MARCHF4: variants seen among roughly 807,000 people sequenced by gnomAD.
MARCHF4 encodes E3 ubiquitin-protein ligase MARCHF4.
In MARCHF4, 14 loss-of-function variants were observed where a neutral mutation model predicts 43.9. That is an observed-to-expected ratio of 0.32 (90% CI 0.21 to 0.50). The LOEUF is 0.50. Among genes scored for constraint, MARCHF4 ranks in the 20% least tolerant of loss-of-function variants. The probability of loss-of-function intolerance (pLI) is 0.98; values close to 1 mark genes in which losing one functional copy is unlikely to be tolerated. For missense variants in MARCHF4, 468 were observed against 536.7 expected, an observed-to-expected ratio of 0.87 and a Z score of 1.27; for synonymous variants, 226 against 213.3, an observed-to-expected ratio of 1.06 and a Z score of -0.52.
chr2:216,321,221 G>C (rs954064185), intron 1 of MARCHF4, among the ~76,000 whole-genome samples: 10 of 152,126 alleles, frequency 6.6e-5, no homozygotes, highest in African/African-American at 9.6e-5. Context: ...CATTCATTCA[G>C]TCAAACAAAT....
At chr2:216,295,868 CTGGGTGCGG>C in intron 1 of MARCHF4, among the ~76,000 whole-genome samples, 1 of 152,236 alleles carries the variant, frequency 6.6e-6, no homozygotes, top group South Asian at 2.1e-4. Context: ...TACCCCATGA[CTGGGTGCGG>C]TGGCTCACGC....
chr2:216,277,625 G>C (rs757039753), intron 3 of MARCHF4, 47 bp downstream of exon 3: 1 of 1,531,656 alleles, frequency 6.5e-7, no homozygotes, highest in Admixed American at 1.8e-5. Context: ...TCCATCCCAC[G>C]AGCACATGGT....
At position 216,368,313 on chromosome 2, in the gene MARCHF4, G is replaced by T. The variant is rs201569065; in HGVS notation, c.516+1432C>A. ...GCTCTGCCAGAGCCTGGTGCTGGAA[G>T]TAGAGAGAAAGAATGAAGGGAAGGC... On this transcript the variant is annotated intron_variant, in intron 1 of 3. Coordinates refer to ENST00000273067, the MANE Select transcript of MARCHF4 (RefSeq NM_020814.3). Among the ~76,000 whole-genome samples the T allele has an allele frequency of 6.6e-5, 10 of 152,340 alleles. No individual in the cohort carries two copies. In the East Asian group the frequency reaches 1.5e-3, roughly 23 times the overall value.
chr2:216,284,122 A>C (rs920769463), intron 1 of MARCHF4, among the ~76,000 whole-genome samples: 4 of 152,198 alleles, frequency 2.6e-5, no homozygotes, highest in Non-Finnish European at 5.9e-5. Flanking sequence ...ACAGACAGGC[A>C]ACAGAGATAA....
At chr2:216,263,449 G>GAGAGAGAAAGAAAGAGAA (rs1690776280) in intron 3 of MARCHF4, among the ~76,000 whole-genome samples, 1 of 142,140 alleles carries the variant, frequency 7.0e-6, no homozygotes, top group Non-Finnish European at 1.6e-5. Flanking sequence ...GAGAGAGAGA[G>GAGAGAGAAAGAAAGAGAA]AGAGAGAGAG....
intron 3 of MARCHF4, among the ~76,000 whole-genome samples, chr2:216,263,558 GAAAA>G (rs1202388903): frequency 1.3e-5 from 2 of 148,166 alleles, no homozygotes; most frequent in Non-Finnish European, 3.0e-5. Context: ...AGAGAAAGAA[GAAAA>G]AGAAAGAAAG....
chr2:216,347,907 C>T (rs958333144), intron 1 of MARCHF4, among the ~76,000 whole-genome samples: 2 of 151,370 alleles, frequency 1.3e-5, no homozygotes, highest in South Asian at 2.1e-4. Flanking sequence ...TCATACATCC[C>T]TCATTGAGTC....
chr2:216,280,228 C>A (rs1347288778), intron 2 of MARCHF4, among the ~76,000 whole-genome samples: 1 of 151,832 alleles, frequency 6.6e-6, no homozygotes, highest in East Asian at 1.9e-4. Flanking sequence ...GAGAAGGACA[C>A]CCAGGGTACC....
In MARCHF4 at chr2:216,333,368, G is replaced by A. The variant is rs560231534; in HGVS notation, c.516+36377C>T. Among the ~76,000 whole-genome samples the A allele has an allele frequency of 5.9e-5, 9 of 152,336 alleles. No individual in the cohort carries two copies. The South Asian group carries it at 1.7e-3, about 28-fold the overall frequency. ...TACTTCACAAAAGAAGATGGCCAAA[G>A]GGCGAATAAATTTATGAAAAAGTGT... On this transcript the variant is annotated intron_variant, in intron 1 of 3. Coordinates refer to ENST00000273067, the MANE Select transcript of MARCHF4 (RefSeq NM_020814.3).
At chr2:216,369,024 T>C (rs1218072943) in intron 1 of MARCHF4, among the ~76,000 whole-genome samples, 1 of 152,188 alleles carries the variant, frequency 6.6e-6, no homozygotes, top group African/African-American at 2.4e-5. Context: ...CAACACACTT[T>C]TTAGGTCTGA....
intron 1 of MARCHF4, among the ~76,000 whole-genome samples, chr2:216,353,483 T>C (rs554442333): frequency 6.6e-6 from 1 of 152,312 alleles, no homozygotes; most frequent in African/African-American, 2.4e-5. Context: ...ATAGGAAATA[T>C]CAGCTTAGGG....
chr2:216,287,477 C>T (rs1163863792), intron 1 of MARCHF4, among the ~76,000 whole-genome samples: 1 of 151,936 alleles, frequency 6.6e-6, no homozygotes, highest in East Asian at 1.9e-4. Context: ...CCAGAGACTG[C>T]CCTGGGAATG....
At chr2:216,288,810 C>T (rs368558817) in intron 1 of MARCHF4, among the ~76,000 whole-genome samples, 51 of 152,130 alleles carry the variant, frequency 3.4e-4, no homozygotes, top group African/African-American at 1.1e-3. Context: ...AATACGAAGG[C>T]GTGTTGAGCT....
chr2:216,298,440 A>AT (rs1226427405), intron 1 of MARCHF4, among the ~76,000 whole-genome samples: 4 of 151,384 alleles, frequency 2.6e-5, no homozygotes, highest in Non-Finnish European at 5.9e-5. Flanking sequence ...TCATTTTTGT[A>AT]TTTTTTGTAG....
intron 1 of MARCHF4, among the ~76,000 whole-genome samples, chr2:216,353,487 C>T (rs759736680): frequency 6.6e-6 from 1 of 152,194 alleles, no homozygotes; most frequent in Non-Finnish European, 1.5e-5. Context: ...GAAATATCAG[C>T]TTAGGGATTT....
intron 1 of MARCHF4, 29 bp from the exon 2 acceptor site, chr2:216,283,758 G>T (rs756779977): frequency 6.4e-7 from 1 of 1,566,236 alleles, no homozygotes; most frequent in South Asian, 1.1e-5. Context: ...GGGTGATGAG[G>T]CTGAGACCTA....
chr2:216,324,656 T>G (rs1691958212), intron 1 of MARCHF4, among the ~76,000 whole-genome samples: 1 of 150,568 alleles, frequency 6.6e-6, no homozygotes, highest in African/African-American at 2.5e-5. Flanking sequence ...CAAGGCTGGT[T>G]CAATATATGC....
intron 1 of MARCHF4, among the ~76,000 whole-genome samples, chr2:216,333,934 A>G (rs1339292249): frequency 6.6e-6 from 1 of 151,134 alleles, no homozygotes; most frequent in Non-Finnish European, 1.5e-5. Context: ...TCCTAAATCG[A>G]GGCCTGAAAC....
At chr2:216,272,843 C>A (rs1454418833) in intron 3 of MARCHF4, among the ~76,000 whole-genome samples, 1 of 152,234 alleles carries the variant, frequency 6.6e-6, no homozygotes, top group African/African-American at 2.4e-5. Flanking sequence ...TTGTACAACC[C>A]TCTGGTATAA....
Sources: gnomAD v4.1 joint callset for allele counts (sites outside exome capture counted in the v4.1 genomes callset) on GRCh38, gnomAD v4.1.1 for gene constraint, MANE v1.5 for transcripts, NCBI Gene and HGNC (gene_info 2026-07-23, HGNC 2026-07-21) for gene names.